Variants in C12orf54 observed in about 807,000 individuals in gnomAD.
C12orf54 encodes chromosome 12 open reading frame 54.
C12orf54 carries 24 observed loss-of-function variants against 26.4 expected under a neutral mutation model. The observed-to-expected ratio is 0.91, with a 90% CI of 0.66 to 1.28. C12orf54 has a LOEUF of 1.28. Ranked by LOEUF, C12orf54 falls within the 50% of genes most tolerant of loss-of-function variation. The pLI, the probability that C12orf54 is intolerant of heterozygous loss-of-function variation, is 0.00. For missense variants in C12orf54, 154 were observed against 150.9 expected, an observed-to-expected ratio of 1.02 and a Z score of -0.11; for synonymous variants, 54 against 47.0, an observed-to-expected ratio of 1.15 and a Z score of -0.61.
chr12:48,494,588 T>G (rs1373664948), intron 7 of C12orf54, among the ~76,000 whole-genome samples: 2 of 152,124 alleles, frequency 1.3e-5, no homozygotes, highest in African/African-American at 4.8e-5. Context: ...TGTAATAGGT[T>G]ATGATGCTTC....
At chr12:48,437,710 T>C in the C12orf54 span, among the ~76,000 whole-genome samples, 1 of 152,214 alleles carries the variant, frequency 6.6e-6, no homozygotes, top group Non-Finnish European at 1.5e-5. Context: ...CAATGCTTCA[T>C]GCTAAAAACT....
At chr12:48,489,607 G>C (rs1937739998) in intron 5 of C12orf54, among the ~76,000 whole-genome samples, 2 of 152,236 alleles carry the variant, frequency 1.3e-5, no homozygotes, top group Middle Eastern at 3.4e-3. Flanking sequence ...TGTAGAGACA[G>C]GGTTTCGCCA....
the C12orf54 span, among the ~76,000 whole-genome samples, chr12:48,451,182 C>G: frequency 2.6e-5 from 4 of 152,036 alleles, no homozygotes; most frequent in Non-Finnish European, 5.9e-5. Flanking sequence ...GTTCAACATA[C>G]ACAAATCAGT....
chr12:48,448,825 T>A, the C12orf54 span, among the ~76,000 whole-genome samples: 1 of 152,356 alleles, frequency 6.6e-6, no homozygotes, highest in East Asian at 1.9e-4. Context: ...TAAGTGACCA[T>A]GGCCCATGAC....
chr12:48,472,488 ATGAT>A, the C12orf54 span, among the ~76,000 whole-genome samples: 1 of 152,268 alleles, frequency 6.6e-6, no homozygotes, highest in Non-Finnish European at 1.5e-5. Context: ...AACTGGGTGA[ATGAT>A]AGCACAATTT....
the C12orf54 span, among the ~76,000 whole-genome samples, chr12:48,477,352 C>G: frequency 2.0e-5 from 3 of 152,008 alleles, no homozygotes; most frequent in Non-Finnish European, 2.9e-5. Context: ...AAAGCAAGAG[C>G]AAACACATTC....
At chr12:48,426,431 C>A in the C12orf54 span, among the ~76,000 whole-genome samples, 1 of 151,966 alleles carries the variant, frequency 6.6e-6, no homozygotes, top group Non-Finnish European at 1.5e-5. Flanking sequence ...TATTCTGTTC[C>A]ATTGGTCTTG....
chr12:48,493,041 C>A, intron 7 of C12orf54, 46 bp downstream of exon 7: 4 of 1,527,590 alleles, frequency 2.6e-6, no homozygotes, highest in Non-Finnish European at 3.6e-6. Context: ...TGGCACCCAC[C>A]TGGATATGGG....
intron 1 of C12orf54, 135 bp from the exon 2 acceptor site, chr12:48,483,105 C>G: frequency 1.7e-6 from 1 of 580,006 alleles, no homozygotes; most frequent in Non-Finnish European, 3.1e-6. Context: ...TATATGCAAG[C>G]ACACACATGC....
At chr12:48,434,606 A>G in the C12orf54 span, among the ~76,000 whole-genome samples, 1 of 152,202 alleles carries the variant, frequency 6.6e-6, no homozygotes, top group Non-Finnish European at 1.5e-5. Flanking sequence ...CGGTTCACCA[A>G]TATCCACTGT....
the C12orf54 span, among the ~76,000 whole-genome samples, chr12:48,428,482 A>G: frequency 0.32 from 48,108 of 151,882 alleles, 8,202 homozygotes; most frequent in African/African-American, 0.38. Flanking sequence ...AATGAAAAGG[A>G]AGATATTACA....
At chr12:48,429,653 A>C in the C12orf54 span, among the ~76,000 whole-genome samples, 1 of 152,192 alleles carries the variant, frequency 6.6e-6, no homozygotes, top group Non-Finnish European at 1.5e-5. Context: ...ACATTGCTGA[A>C]AAAAATCAGA....
chr12:48,472,356 G>A, the C12orf54 span, among the ~76,000 whole-genome samples: 22 of 152,128 alleles, frequency 1.4e-4, no homozygotes, highest in South Asian at 2.1e-4. Context: ...ATACTATGGC[G>A]TGGCCTAGAG....
chr12:48,489,784 C>T lies in C12orf54; in HGVS notation c.168+828C>T, dbSNP rs182951638. Among the ~76,000 whole-genome samples the T allele has an allele frequency of 5.3e-4, 79 of 150,124 alleles. No individual in the cohort carries two copies. In the East Asian group the frequency reaches 8.8e-3, roughly 17 times the overall value. On this transcript the variant is annotated intron_variant, in intron 5 of 8. Transcript: ENST00000548364. The stretch of plus-strand genomic sequence containing the variant: ...TCACCCAGGCTAGAGTGTAGTAGCA[C>T]GATCTTGGCTCACCACAACCTCCGC...
intron 4 of C12orf54, chr12:48,488,173 A>T: frequency 2.7e-6 from 2 of 740,104 alleles, no homozygotes; most frequent in Non-Finnish European, 5.0e-6. Context: ...GAGGGTATCC[A>T]GTATCTCCAT....
chr12:48,468,408 T>A, the C12orf54 span, among the ~76,000 whole-genome samples: 1 of 152,186 alleles, frequency 6.6e-6, no homozygotes, highest in Non-Finnish European at 1.5e-5. Flanking sequence ...GGAAGGACTG[T>A]GTGCTTTGTC....
At chr12:48,466,413 C>G in the C12orf54 span, among the ~76,000 whole-genome samples, 3 of 151,944 alleles carry the variant, frequency 2.0e-5, no homozygotes, top group Admixed American at 2.0e-4. Context: ...GGCATGGTGA[C>G]GTGCACCTGT....
chr12:48,428,872 A>T, the C12orf54 span, among the ~76,000 whole-genome samples: 9 of 152,250 alleles, frequency 5.9e-5, no homozygotes, highest in African/African-American at 2.2e-4. Flanking sequence ...CAAAAAAGAA[A>T]ACTACATACC....
At chr12:48,475,754 C>T in the C12orf54 span, among the ~76,000 whole-genome samples, 72 of 152,238 alleles carry the variant, frequency 4.7e-4, 1 homozygote, top group South Asian at 2.5e-3. Context: ...TGTGAAAAGA[C>T]GAAATCTACA....
Sources: gnomAD v4.1 joint callset for allele counts (sites outside exome capture counted in the v4.1 genomes callset) on GRCh38, gnomAD v4.1.1 for gene constraint, MANE v1.5 for transcripts, NCBI Gene and HGNC (gene_info 2026-07-23, HGNC 2026-07-21) for gene names.